The following TANGO6 variants were observed in gnomAD, a reference collection of about 807,000 sequenced individuals.
TANGO6 encodes the protein transport and Golgi organization protein 6 homolog.
Under a neutral mutation model 114.2 loss-of-function variants are expected in TANGO6, and 90 were observed. That is an observed-to-expected ratio of 0.79 (90% confidence interval 0.66 to 0.94). The LOEUF (loss-of-function observed/expected upper bound fraction) is 0.94, where lower values mean the gene tolerates loss of function less well. Among genes scored for constraint, TANGO6 ranks in the 40% least tolerant of loss-of-function variants. The pLI is 0.00. For missense variants in TANGO6, 1,274 were observed against 1,315.3 expected (o/e 0.97, Z 0.49); for synonymous variants, 477 against 509.8 (o/e 0.94, Z 0.87).
intron 9 of TANGO6, among the ~76,000 whole-genome samples, chr16:68,906,889 G>T (rs1962857828): frequency 6.6e-6 from 1 of 151,520 alleles, no homozygotes; most frequent in African/African-American, 2.4e-5. Context: ...CGCCTCCTGG[G>T]TTCAAGCGAT....
At chr16:68,851,640 G>A (rs960605343) in intron 1 of TANGO6, among the ~76,000 whole-genome samples, 2 of 152,100 alleles carry the variant, frequency 1.3e-5, no homozygotes, top group African/African-American at 4.8e-5. Flanking sequence ...TTGTAAATAC[G>A]TAATTTTGCA....
intron 1 of TANGO6, among the ~76,000 whole-genome samples, chr16:68,847,901 G>A (rs1330886973): frequency 2.6e-5 from 4 of 151,420 alleles, no homozygotes; most frequent in Non-Finnish European, 5.9e-5. Flanking sequence ...TCGGGAGGCT[G>A]AGGCAGGAGA....
At chr16:68,946,700 C>T (rs1235073930) in intron 14 of TANGO6, among the ~76,000 whole-genome samples, 1 of 152,102 alleles carries the variant, frequency 6.6e-6, no homozygotes, top group Non-Finnish European at 1.5e-5. Context: ...CAAGATTTTG[C>T]CATGTTGCCC....
chr16:68,982,799 G>C (rs140728761), intron 15 of TANGO6, among the ~76,000 whole-genome samples: 1 of 151,600 alleles, frequency 6.6e-6, no homozygotes, highest in Non-Finnish European at 1.5e-5. Flanking sequence ...TAGAACCTTC[G>C]TATATATGCC....
chr16:68,894,985 G>A (rs1347344438), intron 7 of TANGO6, among the ~76,000 whole-genome samples: 2 of 152,106 alleles, frequency 1.3e-5, no homozygotes, highest in Non-Finnish European at 2.9e-5. Flanking sequence ...TCCTGGTTCT[G>A]CCCTTTGCTA....
chr16:69,000,416 C>G (rs1964029878), intron 15 of TANGO6, among the ~76,000 whole-genome samples: 1 of 152,132 alleles, frequency 6.6e-6, no homozygotes, highest in South Asian at 2.1e-4. Flanking sequence ...CACTGGTAGT[C>G]TATTTAGCTA....
chr16:68,980,409 C>A (rs1645838), intron 15 of TANGO6, among the ~76,000 whole-genome samples: 2,529 of 68,014 alleles, frequency 0.037, 115 homozygotes, highest in Non-Finnish European at 0.048. Context: ...CTCTCTCTCT[C>A]TATATATATA....
chr16:69,022,336 T>C (rs1959422370), intron 15 of TANGO6, among the ~76,000 whole-genome samples: 1 of 152,178 alleles, frequency 6.6e-6, no homozygotes, highest in Non-Finnish European at 1.5e-5. Context: ...AAACCATACA[T>C]CATGAATATT....
At chr16:68,941,574 A>G (rs1963353690) in intron 14 of TANGO6, among the ~76,000 whole-genome samples, 1 of 152,016 alleles carries the variant, frequency 6.6e-6, no homozygotes, top group African/African-American at 2.4e-5. Context: ...TGAAAACCCC[A>G]TCTCTACCAA....
intron 15 of TANGO6, among the ~76,000 whole-genome samples, chr16:68,984,746 TC>T (rs1963875144): frequency 6.6e-6 from 1 of 151,992 alleles, no homozygotes; most frequent in South Asian, 2.1e-4. Flanking sequence ...GTTCTCAAAC[TC>T]CTGAGCTCAA....
chr16:68,845,606 T>C (rs899644386), intron 1 of TANGO6, among the ~76,000 whole-genome samples: 9 of 152,120 alleles, frequency 5.9e-5, no homozygotes, highest in Non-Finnish European at 1.2e-4. Context: ...TCCCAGCACT[T>C]TGGGAGGCTG....
intron 14 of TANGO6, chr16:68,934,004 C>T (rs1178779922): frequency 6.6e-6 from 1 of 151,114 alleles, no homozygotes; most frequent in Admixed American, 6.6e-5. Flanking sequence ...GAGGGGAAAT[C>T]GTATAGCAAA....
chr16:69,013,337 A>G (rs1959228937), intron 15 of TANGO6, among the ~76,000 whole-genome samples: 1 of 152,148 alleles, frequency 6.6e-6, no homozygotes, highest in African/African-American at 2.4e-5. Context: ...AAATATGTAC[A>G]CAGTGGCTCA....
rs769190077 is a variant in TANGO6 at position 68,843,594 on chromosome 16, C to T, written c.-24C>T. 5.0e-6 allele frequency: 8 copies of T among 1,608,636 alleles called. No individual in the cohort carries two copies. The highest frequency in any genetic ancestry group is 1.3e-5 in the African/African-American group (1 of 74,852). ...CCTGCCGAGGCGCCTGAGCGGGTCG[C>T]GAGCGTGGTGTTACACTCCAGTCAT... On this transcript the variant is annotated 5_prime_UTR_variant, in exon 1 of 18. Transcript: ENST00000261778.
intron 17 of TANGO6, among the ~76,000 whole-genome samples, chr16:69,065,046 A>C (rs1276036039): frequency 3.9e-5 from 6 of 152,218 alleles, no homozygotes; most frequent in Non-Finnish European, 8.8e-5. Flanking sequence ...TTTTCTCGTA[A>C]GCAGTAGCCT....
chr16:69,063,340 C>T (rs916009590), intron 17 of TANGO6, among the ~76,000 whole-genome samples: 7 of 151,458 alleles, frequency 4.6e-5, no homozygotes, highest in Non-Finnish European at 1.0e-4. Context: ...CTGGCTAACA[C>T]AGTGAAACCC....
At chr16:69,068,186 C>T (rs1319578115) in intron 17 of TANGO6, among the ~76,000 whole-genome samples, 1 of 151,912 alleles carries the variant, frequency 6.6e-6, no homozygotes, top group African/African-American at 2.4e-5. Context: ...CACCTATAGT[C>T]CCAACTGCTT....
intron 7 of TANGO6, among the ~76,000 whole-genome samples, chr16:68,890,890 T>A (rs1231084500): frequency 2.0e-5 from 3 of 151,276 alleles, no homozygotes; most frequent in Non-Finnish European, 2.9e-5. Context: ...CTGGATGTGG[T>A]GGTGGGTGCC....
intron 14 of TANGO6, among the ~76,000 whole-genome samples, chr16:68,935,156 A>G (rs1321572320): frequency 2.6e-5 from 4 of 152,220 alleles, no homozygotes; most frequent in African/African-American, 9.6e-5. Flanking sequence ...AAAGCACTAC[A>G]GGAACAAAGC....
Sources: allele counts gnomAD v4.1 joint callset (sites outside exome capture counted in the v4.1 genomes callset), GRCh38; gene constraint gnomAD v4.1.1; transcripts MANE v1.5; gene names NCBI Gene and HGNC (gene_info 2026-07-23, HGNC 2026-07-21).